Variants in ZDHHC2 observed in about 807,000 individuals in gnomAD.
ZDHHC2 encodes the protein palmitoyltransferase ZDHHC2.
In ZDHHC2, 51 loss-of-function variants were observed where a neutral mutation model predicts 55.6. The ratio of observed to expected loss-of-function variants is 0.92; its 90% CI spans 0.73 to 1.16. ZDHHC2 has a LOEUF of 1.16. Among genes scored for constraint, ZDHHC2 ranks in the 50% most tolerant of loss-of-function variants. The probability of loss-of-function intolerance (pLI) is 0.00; values close to 1 mark genes in which losing one functional copy is unlikely to be tolerated. For synonymous variants in ZDHHC2, 199 were observed against 152.9 expected, an observed-to-expected ratio of 1.30 and a Z score of -2.22; for missense variants, 491 against 442.4, an observed-to-expected ratio of 1.11 and a Z score of -0.99.
At chr8:17,170,753 A>C (rs1804818245) in intron 1 of ZDHHC2, among the ~76,000 whole-genome samples, 1 of 152,230 alleles carries the variant, frequency 6.6e-6, no homozygotes, top group Non-Finnish European at 1.5e-5. Flanking sequence ...AACTGATGTA[A>C]GGACATTAAA....
intron 6 of ZDHHC2, among the ~76,000 whole-genome samples, chr8:17,199,746 C>G (rs1478490800): frequency 6.9e-6 from 1 of 144,518 alleles, no homozygotes; most frequent in Non-Finnish European, 1.5e-5. Flanking sequence ...CTTCTTCGTC[C>G]TTCTTCTTTC....
chr8:17,185,915 T>G (rs550014970), intron 2 of ZDHHC2, among the ~76,000 whole-genome samples: 2 of 152,230 alleles, frequency 1.3e-5, no homozygotes, highest in Non-Finnish European at 2.9e-5. Flanking sequence ...GCTTCTCAAA[T>G]AGGAACTGCC....
At chr8:17,217,702 T>C (rs1350756950) in intron 12 of ZDHHC2, among the ~76,000 whole-genome samples, 1 of 152,210 alleles carries the variant, frequency 6.6e-6, no homozygotes, top group African/African-American at 2.4e-5. Context: ...TAGCACACTG[T>C]CATTCCCATT....
intron 1 of ZDHHC2, among the ~76,000 whole-genome samples, chr8:17,178,031 G>A (rs1419392060): frequency 4.6e-5 from 7 of 152,088 alleles, no homozygotes; most frequent in Non-Finnish European, 8.8e-5. Context: ...ACACTTTACT[G>A]TTCTTTGCTA....
intron 1 of ZDHHC2, among the ~76,000 whole-genome samples, chr8:17,169,841 T>G (rs1442946438): frequency 6.6e-6 from 1 of 152,198 alleles, no homozygotes. Context: ...GACTGGATTC[T>G]TCAATTCCTT....
intron 6 of ZDHHC2, 23 bp downstream of exon 6, chr8:17,198,436 C>G (rs535730379): frequency 3.1e-6 from 5 of 1,587,522 alleles, no homozygotes; most frequent in African/African-American, 1.4e-5. Context: ...TATATTTAAA[C>G]AAGTTTGTGT....
At chr8:17,198,236 A>T in intron 5 of ZDHHC2, 145 bp from the exon 6 acceptor site, 1 of 645,230 alleles carries the variant, frequency 1.5e-6, no homozygotes, top group Non-Finnish European at 2.4e-6. Flanking sequence ...AACTTCTGCT[A>T]TTATCCAATT....
chr8:17,216,711 G>A lies in ZDHHC2; in HGVS notation c.1064-461G>A, dbSNP rs572791081. Among the ~76,000 whole-genome samples the A allele has an allele frequency of 2.6e-5, 4 of 152,248 alleles. No homozygotes were observed. In the South Asian group the frequency reaches 8.3e-4, roughly 32 times the overall value. Reference sequence around the variant, plus strand: ...ACATGCTATTATAATTCTTCGGCATGTTCGATTAATTTTTTTGTTAGTTGG... The same window carrying A: ...ACATGCTATTATAATTCTTCGGCATATTCGATTAATTTTTTTGTTAGTTGG... On this transcript the variant is annotated intron_variant, in intron 11 of 12. Coordinates refer to ENST00000262096, the MANE Select transcript of ZDHHC2 (RefSeq NM_016353.5).
rs372209338 is a variant in ZDHHC2, at chr8:17,205,730, T to C, written c.552T>C (p.Leu184=). The change falls in exon 7 of 13, where the codon CTT becomes CTC. Residue 184 remains leucine, a synonymous_variant. Coordinates refer to ENST00000262096, the MANE Select transcript of ZDHHC2 (RefSeq NM_016353.5). The stretch of plus-strand genomic sequence containing the variant: ...TGGCTTATTCTCTGCTCTACTGCCT[T>C]TTTATTGCGGCAACAGATTTACAGT... ...LFLAYSLLYC[L]FIAATDLQYF... is the part of the protein sequence containing the mutation. The C allele has an allele frequency of 6.1e-5, 98 of 1,610,098 alleles. No individual in the cohort carries two copies. The highest frequency in any genetic ancestry group is 8.0e-5 in the Non-Finnish European group (94 of 1,178,878).
At chr8:17,156,875 G>A (rs1362773225) in intron 1 of ZDHHC2, 22 bp downstream of exon 1, 1 of 1,482,076 alleles carries the variant, frequency 6.7e-7, no homozygotes, top group Non-Finnish European at 9.0e-7. Context: ...CCCCGCCGCG[G>A]CGCCCCCAGC....
chr8:17,174,286 A>C (rs1391685131), intron 1 of ZDHHC2, among the ~76,000 whole-genome samples: 2 of 152,000 alleles, frequency 1.3e-5, no homozygotes, highest in African/African-American at 4.8e-5. Context: ...TTTTATCTCC[A>C]TCTTCTAGAG....
Position 17,210,070 on chromosome 8 carries a change from T to A in ZDHHC2, c.857+12T>A. Reference sequence around the variant, plus strand: ...CCCATTTTTTCAAGGTACTTCTTTGTTAAAATTTTCAGGCTTTAAACTAAT... The same window carrying A: ...CCCATTTTTTCAAGGTACTTCTTTGATAAAATTTTCAGGCTTTAAACTAAT... On this transcript the variant is annotated intron_variant, in intron 9 of 12. Coordinates refer to ENST00000262096, the MANE Select transcript of ZDHHC2 (RefSeq NM_016353.5). The A allele has an allele frequency of 6.3e-7, 1 of 1,581,876 alleles. No homozygotes were observed.
chr8:17,211,609 C>A (rs1259519112), intron 10 of ZDHHC2, among the ~76,000 whole-genome samples: 2 of 152,058 alleles, frequency 1.3e-5, no homozygotes, highest in African/African-American at 4.8e-5. Context: ...CCTGCCTCTG[C>A]CCTTTTAAAT....
intron 2 of ZDHHC2, among the ~76,000 whole-genome samples, chr8:17,185,334 G>A (rs1200517324): frequency 1.3e-5 from 2 of 152,012 alleles, no homozygotes; most frequent in Non-Finnish European, 1.5e-5. Flanking sequence ...TACCCAGAAG[G>A]AAGCATTATC....
chr8:17,156,659 C>A lies in ZDHHC2; in HGVS notation c.-65C>A, dbSNP rs1804059886. ...GTCCAGCCAGGGGTGCCGGGCCCGCCCAGCCCGCCCCGGAGCCAGGCCCGC... is the reference window on the plus strand; with the variant it reads ...GTCCAGCCAGGGGTGCCGGGCCCGCACAGCCCGCCCCGGAGCCAGGCCCGC... On this transcript the variant is annotated 5_prime_UTR_variant, in exon 1 of 13. Coordinates refer to ENST00000262096, the MANE Select transcript of ZDHHC2 (RefSeq NM_016353.5). 8.5e-7 allele frequency: 1 copy of A among 1,175,544 alleles called. No homozygotes were observed. The highest frequency in any genetic ancestry group is 4.3e-5 in the East Asian group (1 of 23,208). 72.8% of individuals were successfully genotyped at this position (1,175,544 alleles called of 1,614,324 possible). A position where few individuals can be genotyped will look rare whatever the true frequency, so the allele number is the denominator to read the frequency against.
chr8:17,184,995 A>T (rs1322703203), intron 2 of ZDHHC2, among the ~76,000 whole-genome samples, 180 bp downstream of exon 2: 1 of 152,204 alleles, frequency 6.6e-6, no homozygotes, highest in Non-Finnish European at 1.5e-5. Flanking sequence ...TTGGCAAAGA[A>T]TTCTATCCTG....
At chr8:17,180,591 A>C (rs527896662) in intron 1 of ZDHHC2, among the ~76,000 whole-genome samples, 4 of 152,282 alleles carry the variant, frequency 2.6e-5, no homozygotes, top group Admixed American at 2.6e-4. Context: ...TTGTACATTC[A>C]TGGGGCTTAC....
intron 11 of ZDHHC2, among the ~76,000 whole-genome samples, chr8:17,216,818 C>T (rs1026437477): frequency 6.6e-6 from 1 of 152,022 alleles, no homozygotes. Context: ...AGAAAGTGCT[C>T]AAAGATTGGT....
intron 1 of ZDHHC2, among the ~76,000 whole-genome samples, chr8:17,159,307 CT>C (rs1270022225): frequency 1.3e-5 from 2 of 152,168 alleles, no homozygotes; most frequent in East Asian, 3.8e-4. Flanking sequence ...TTCCAAATTT[CT>C]TCCATAAAAC....
Sources: allele counts gnomAD v4.1 joint callset (sites outside exome capture counted in the v4.1 genomes callset), GRCh38; gene constraint gnomAD v4.1.1; transcripts MANE v1.5; gene names NCBI Gene and HGNC (gene_info 2026-07-23, HGNC 2026-07-21).